The following RARB variants were observed in gnomAD, a reference collection of about 807,000 sequenced individuals.
RARB encodes HBV-activated protein.
RARB carries 17 observed loss-of-function variants against 51.9 expected under a neutral mutation model. That is an observed-to-expected ratio of 0.33 (90% CI 0.22 to 0.49). The LOEUF is 0.49. RARB is among the 20% of genes least tolerant of loss of function. The probability of loss-of-function intolerance (pLI) is 0.99; values close to 1 mark genes in which losing one functional copy is unlikely to be tolerated. For synonymous variants in RARB, 215 were observed against 195.4 expected, an observed-to-expected ratio of 1.10 and a Z score of -0.84; for missense variants, 369 against 550.8, an observed-to-expected ratio of 0.67 and a Z score of 3.30.
chr3:25,163,409 G>A (rs1380611272), intron 4 of RARB, among the ~76,000 whole-genome samples: 2 of 151,312 alleles, frequency 1.3e-5, no homozygotes, highest in Non-Finnish European at 2.9e-5. Context: ...GGAGGCTGAG[G>A]CAGGAGGATT....
At chr3:25,184,892 C>CA in intron 5 of RARB, among the ~76,000 whole-genome samples, 1 of 149,430 alleles carries the variant, frequency 6.7e-6, no homozygotes, top group South Asian at 2.1e-4. Context: ...ACCCTGTGTC[C>CA]AAAAAAAGAA....
At chr3:25,050,394 C>T (rs1018640847) in intron 2 of RARB, among the ~76,000 whole-genome samples, 10 of 151,922 alleles carry the variant, frequency 6.6e-5, no homozygotes, top group African/African-American at 2.4e-4. Flanking sequence ...AACCATAATA[C>T]TTCTAATTAA....
At chr3:25,164,236 G>A (rs1387446573) in intron 4 of RARB, among the ~76,000 whole-genome samples, 4 of 152,196 alleles carry the variant, frequency 2.6e-5, no homozygotes, top group Non-Finnish European at 5.9e-5. Flanking sequence ...TCTCACCCGA[G>A]AAACTGATGA....
intron 5 of RARB, among the ~76,000 whole-genome samples, chr3:25,407,067 TAC>T (rs932323170): frequency 2.6e-5 from 4 of 152,220 alleles, no homozygotes; most frequent in African/African-American, 9.7e-5. Context: ...CACAAATTTT[TAC>T]AGTTACCTAA....
At chr3:24,942,306 T>C (rs966213445) in intron 2 of RARB, among the ~76,000 whole-genome samples, 1 of 152,230 alleles carries the variant, frequency 6.6e-6, no homozygotes, top group African/African-American at 2.4e-5. Flanking sequence ...ATTGGGAGGA[T>C]GGCATCATCT....
chr3:25,305,268 G>C (rs1468812641), intron 5 of RARB, among the ~76,000 whole-genome samples: 1 of 151,990 alleles, frequency 6.6e-6, no homozygotes, highest in Non-Finnish European at 1.5e-5. Context: ...AGGAGGAGAG[G>C]TTTTAAGGAA....
chr3:25,118,534 A>G (rs1037702514), intron 3 of RARB, among the ~76,000 whole-genome samples: 6 of 152,164 alleles, frequency 3.9e-5, no homozygotes, highest in Non-Finnish European at 5.9e-5. Context: ...TGCATCTTCT[A>G]TTAGTCAAGT....
At chr3:24,865,693 A>G (rs961930098) in intron 2 of RARB, among the ~76,000 whole-genome samples, 1 of 152,192 alleles carries the variant, frequency 6.6e-6, no homozygotes, top group African/African-American at 2.4e-5. Context: ...TTGTACAACT[A>G]TAAAACCAAA....
chr3:25,192,454 G>A (rs901248866), intron 5 of RARB, among the ~76,000 whole-genome samples: 2 of 152,088 alleles, frequency 1.3e-5, no homozygotes, highest in African/African-American at 4.8e-5. Flanking sequence ...GACACTATAA[G>A]TGAACTTTTA....
intron 1 of RARB, among the ~76,000 whole-genome samples, chr3:25,439,344 A>G (rs1440434258): frequency 6.6e-6 from 1 of 152,254 alleles, no homozygotes; most frequent in Non-Finnish European, 1.5e-5. Context: ...AACTTACATG[A>G]ATCATAGTGC....
At chr3:25,012,542 T>G (rs1478675726) in intron 2 of RARB, among the ~76,000 whole-genome samples, 1 of 152,146 alleles carries the variant, frequency 6.6e-6, no homozygotes, top group Non-Finnish European at 1.5e-5. Context: ...GATACACTGA[T>G]TTCAGTTTTA....
intron 2 of RARB, among the ~76,000 whole-genome samples, chr3:24,919,052 C>T (rs972640041): frequency 6.6e-6 from 1 of 152,072 alleles, no homozygotes; most frequent in African/African-American, 2.4e-5. Flanking sequence ...TTATTTTACT[C>T]CTCTATAAAA....
At chr3:24,971,051 T>C (rs963359229) in intron 2 of RARB, among the ~76,000 whole-genome samples, 2 of 151,998 alleles carry the variant, frequency 1.3e-5, no homozygotes, top group Non-Finnish European at 2.9e-5. Flanking sequence ...TATCAGGTTA[T>C]ATGCAGTACA....
chr3:24,908,134 T>C (rs1053339229), intron 2 of RARB, among the ~76,000 whole-genome samples: 1 of 152,214 alleles, frequency 6.6e-6, no homozygotes, highest in African/African-American at 2.4e-5. Context: ...TACAGCATGT[T>C]CCAAGCCTCT....
At chr3:25,412,800 A>G (rs1346547055) in intron 5 of RARB, among the ~76,000 whole-genome samples, 1 of 152,112 alleles carries the variant, frequency 6.6e-6, no homozygotes, top group Non-Finnish European at 1.5e-5. Flanking sequence ...CGGGCAGATC[A>G]CCTCAGGTTG....
rs187044243 is a variant in RARB at position 25,553,748 on chromosome 3, G to A, written c.449-16010G>A. Among the ~76,000 whole-genome samples the A allele has an allele frequency of 3.6e-3, 548 of 152,202 alleles. 3 individuals are homozygous for A. The highest frequency in any genetic ancestry group is 0.011 in the African/African-American group (466 of 41,530). ...CTGGCAGGATTGGACGCCATCCTTC[G>A]TTCCCAGGCCTCATGAGAATCGAAA... On this transcript the variant is annotated intron_variant, in intron 3 of 7. Coordinates refer to ENST00000330688, the MANE Select transcript of RARB (RefSeq NM_000965.5).
At chr3:25,248,588 C>G (rs1277485210) in intron 5 of RARB, among the ~76,000 whole-genome samples, 1 of 152,000 alleles carries the variant, frequency 6.6e-6, no homozygotes, top group Non-Finnish European at 1.5e-5. Flanking sequence ...CTTTTTGTTT[C>G]CAGGTGTAGG....
intron 3 of RARB, among the ~76,000 whole-genome samples, chr3:25,551,656 T>C (rs909126216): frequency 1.3e-5 from 2 of 152,168 alleles, no homozygotes; most frequent in Non-Finnish European, 2.9e-5. Context: ...GAGATTGAGA[T>C]TCGAGTCTCC....
At chr3:24,993,441 T>C (rs1360640134) in intron 2 of RARB, among the ~76,000 whole-genome samples, 7 of 152,172 alleles carry the variant, frequency 4.6e-5, no homozygotes, top group Non-Finnish European at 1.0e-4. Flanking sequence ...CAATTGTACA[T>C]ATTTAGGGTA....
Sources: gnomAD v4.1 joint callset for allele counts (sites outside exome capture counted in the v4.1 genomes callset) on GRCh38, gnomAD v4.1.1 for gene constraint, MANE v1.5 for transcripts, NCBI Gene and HGNC (gene_info 2026-07-23, HGNC 2026-07-21) for gene names.